SYNE1: variants seen among roughly 807,000 people sequenced by gnomAD.
SYNE1 encodes the protein spectrin repeat containing nuclear envelope protein 1, also known as nesprin-1.
A neutral mutation model predicts 1,111.0 loss-of-function variants in SYNE1; 616 were observed. The ratio of observed to expected loss-of-function variants is 0.55; its 90% CI spans 0.52 to 0.59. The LOEUF (loss-of-function observed/expected upper bound fraction) is 0.59. Among genes scored for constraint, SYNE1 ranks in the 20% least tolerant of loss-of-function variants. The pLI is 0.00. For missense variants in SYNE1, 10,006 were observed against 10,417.0 expected (o/e 0.96, Z 1.72); for synonymous variants, 3,855 against 3,825.8 (o/e 1.01, Z -0.28).
At chr6:152,571,812 A>C (rs902877192) in intron 3 of SYNE1, among the ~76,000 whole-genome samples, 16 of 152,346 alleles carry the variant, frequency 1.1e-4, no homozygotes, top group Non-Finnish European at 1.8e-4. Context: ...TTTAAAAAGG[A>C]AAGAGTAACA....
intron 3 of SYNE1, among the ~76,000 whole-genome samples, chr6:152,583,106 A>G (rs2099525942): frequency 6.6e-6 from 1 of 152,190 alleles, no homozygotes; most frequent in Admixed American, 6.5e-5. Flanking sequence ...ATAAGCTGCT[A>G]CTGAGTAATA....
At chr6:152,307,287 C>T (rs1589719540) in intron 91 of SYNE1, among the ~76,000 whole-genome samples, 1 of 152,038 alleles carries the variant, frequency 6.6e-6, no homozygotes, top group Non-Finnish European at 1.5e-5. Flanking sequence ...TTGTAGATGT[C>T]AAGAAATTAA....
intron 11 of SYNE1, among the ~76,000 whole-genome samples, chr6:152,497,689 G>A (rs1307804017): frequency 6.6e-6 from 1 of 152,152 alleles, no homozygotes; most frequent in African/African-American, 2.4e-5. Context: ...TCTAATGGTT[G>A]GAAAGTGTCT....
intron 74 of SYNE1, among the ~76,000 whole-genome samples, chr6:152,342,210 C>T (rs1034043743): frequency 6.6e-6 from 1 of 152,194 alleles, no homozygotes; most frequent in African/African-American, 2.4e-5. Context: ...GAAATCTCTT[C>T]CTGCTCTAGC....
chr6:152,241,560 G>A (rs867439229), intron 107 of SYNE1, among the ~76,000 whole-genome samples: 2 of 121,726 alleles, frequency 1.6e-5, no homozygotes, highest in South Asian at 4.9e-4. Context: ...ATGGAGTAGT[G>A]TCCAACCTGA....
intron 139 of SYNE1, among the ~76,000 whole-genome samples, 174 bp downstream of exon 139, chr6:152,141,029 C>T (rs894212421): frequency 2.9e-5 from 4 of 138,186 alleles, no homozygotes; most frequent in East Asian, 2.1e-4. Flanking sequence ...AGCGCCACTC[C>T]GCCTCAAAAA....
chr6:152,223,761 A>G (rs2080811525), intron 117 of SYNE1, among the ~76,000 whole-genome samples: 1 of 152,180 alleles, frequency 6.6e-6, no homozygotes, highest in Admixed American at 6.5e-5. Flanking sequence ...TTAGCAGGGC[A>G]CATGCTGGTC....
intron 48 of SYNE1, 25 bp from the exon 49 acceptor site, chr6:152,398,756 T>A (rs1554624408): frequency 6.4e-7 from 1 of 1,571,460 alleles, no homozygotes; most frequent in South Asian, 1.1e-5. Flanking sequence ...AATAAATAAA[T>A]AAAAATAAAA....
chr6:152,268,860 G>A (rs1244622556), intron 99 of SYNE1, among the ~76,000 whole-genome samples: 1 of 152,082 alleles, frequency 6.6e-6, no homozygotes, highest in Non-Finnish European at 1.5e-5. Flanking sequence ...AATAGATTCA[G>A]AGGGCAAATC....
chr6:152,546,764 G>A (rs1207644348), intron 3 of SYNE1: 1 of 151,912 alleles, frequency 6.6e-6, no homozygotes, highest in African/African-American at 2.4e-5. Flanking sequence ...CACCCTTTTC[G>A]GCTCTGTTTT....
At chr6:152,346,549 A>G (rs1485045129) in intron 73 of SYNE1, among the ~76,000 whole-genome samples, 5 of 151,960 alleles carry the variant, frequency 3.3e-5, no homozygotes, top group South Asian at 2.1e-4. Context: ...ATTCGCTCAC[A>G]CCTGTAATCC....
rs182880366 is a variant in SYNE1, at chr6:152,142,405, T to C, written c.25120-1076A>G. On this transcript the variant is annotated intron_variant, in intron 138 of 145. Coordinates refer to ENST00000367255, the MANE Select transcript of SYNE1 (RefSeq NM_182961.4). ...ATTAAATAATTAAAATACTTAAAAT[T>C]ATAGAGCAATATTAAAGCCAGCTGT... Among the ~76,000 whole-genome samples the C allele has an allele frequency of 2.5e-3, 378 of 152,268 alleles. 3 individuals are homozygous for C. Among genetic ancestry groups the C allele is most frequent in the African/African-American group, 8.9e-3 (369 of 41,564 alleles).
At chr6:152,245,707 A>G (rs1165753870) in intron 105 of SYNE1, among the ~76,000 whole-genome samples, 4 of 152,258 alleles carry the variant, frequency 2.6e-5, no homozygotes, top group African/African-American at 9.6e-5. Context: ...TCCACCACCC[A>G]CTTCAGAGCA....
At chr6:152,249,383 C>T in intron 104 of SYNE1, 121 bp from the exon 105 acceptor site, 5 of 725,126 alleles carry the variant, frequency 6.9e-6, no homozygotes, top group Non-Finnish European at 1.3e-5. Flanking sequence ...CCAGGAGAAA[C>T]AATACTGTGC....
At position 152,220,871 on chromosome 6, in the gene SYNE1, C is replaced by T; in HGVS notation, c.21832G>A (p.Glu7278Lys). The change falls in exon 119 of 146, where the codon GAG becomes AAG. Residue 7278 changes from glutamate (E) to lysine (K), a missense_variant. Glu to Lys is a moderately conservative substitution (Grantham distance 56). Transcript: ENST00000367255. ...AATNKDIADD[E>K]VATWIQDCND... ...CAATCTTGAATCCATGTGGCAACCT[C>T]ATCATCGGCAATGTCCTTGTTTGTG... is the stretch of plus-strand genomic sequence containing the variant. The T allele has an allele frequency of 6.2e-7, 1 of 1,614,066 alleles. No homozygotes were observed. The highest frequency in any genetic ancestry group is 8.5e-7 in the Non-Finnish European group (1 of 1,179,994).
At chr6:152,381,813 A>G (rs115792796) in intron 55 of SYNE1, among the ~76,000 whole-genome samples, 1 of 152,120 alleles carries the variant, frequency 6.6e-6, no homozygotes, top group African/African-American at 2.4e-5. Flanking sequence ...CTTAAATCAC[A>G]CTTCCATTCT....
intron 71 of SYNE1, 45 bp from the exon 72 acceptor site, chr6:152,350,380 C>A (rs185494199): frequency 1.2e-6 from 2 of 1,613,366 alleles, no homozygotes; most frequent in South Asian, 2.2e-5. Context: ...AAGTGAAAAA[C>A]CTACTCAAAA....
Position 152,149,438 on chromosome 6 carries a change from T to G in SYNE1, c.24642+39A>C, listed in dbSNP as rs745551755. The G allele has an allele frequency of 2.5e-6, 4 of 1,612,928 alleles. No individual in the cohort carries two copies. In the Admixed American group the frequency reaches 6.7e-5, roughly 27 times the overall value. On this transcript the variant is annotated intron_variant, in intron 136 of 145. Coordinates refer to ENST00000367255, the MANE Select transcript of SYNE1 (RefSeq NM_182961.4). The stretch of plus-strand genomic sequence containing the variant: ...CCCAATCCCACACGACTTATTCTCT[T>G]TAGATTTAATGACAACTAAGAAAAT...
intron 4 of SYNE1, among the ~76,000 whole-genome samples, chr6:152,539,688 T>C (rs1198726687): frequency 6.6e-6 from 1 of 152,176 alleles, no homozygotes; most frequent in Non-Finnish European, 1.5e-5. Flanking sequence ...CACACATTAG[T>C]ATTAGAAAAA....
Sources: allele counts gnomAD v4.1 joint callset (sites outside exome capture counted in the v4.1 genomes callset), GRCh38; gene constraint gnomAD v4.1.1; transcripts MANE v1.5; gene names NCBI Gene and HGNC (gene_info 2026-07-23, HGNC 2026-07-21).